Variants in APH1B observed in about 807,000 individuals in gnomAD.
The protein encoded by APH1B is aph-1B gamma-secretase subunit.
In APH1B, 27 loss-of-function variants were observed where a neutral mutation model predicts 28.2. That is an observed-to-expected ratio of 0.96 (90% CI 0.70 to 1.32). The LOEUF is 1.32. Ranked by LOEUF, APH1B falls within the 40% of genes most tolerant of loss-of-function variation. The probability of loss-of-function intolerance (pLI) is 0.00; values close to 1 mark genes in which losing one functional copy is unlikely to be tolerated. For synonymous variants in APH1B, 141 were observed against 124.6 expected (o/e 1.13, Z -0.88); for missense variants, 305 against 313.6 (o/e 0.97, Z 0.21).
In APH1B at chr15:63,306,768, T is replaced by G. The variant is rs1368280580; in HGVS notation, c.*987T>G. The G allele has an allele frequency of 6.6e-6, 1 of 152,224 alleles. No individual in the cohort carries two copies. Among genetic ancestry groups the G allele is most frequent in the Non-Finnish European group, 1.5e-5 (1 of 68,046 alleles). 9.4% of individuals were successfully genotyped at this position (152,224 alleles called of 1,614,324 possible). On this transcript the variant is annotated 3_prime_UTR_variant, in exon 6 of 6. Coordinates refer to ENST00000261879, the MANE Select transcript of APH1B (RefSeq NM_031301.4). ...AAGGAAATGAGCCAAAAGGGTGTCATTGACACTTTTCATTTGCTCCTGTGA... is the reference window on the plus strand; with the variant it reads ...AAGGAAATGAGCCAAAAGGGTGTCAGTGACACTTTTCATTTGCTCCTGTGA...
chr15:63,280,370 T>C (rs879278310), intron 2 of APH1B, among the ~76,000 whole-genome samples: 1 of 152,328 alleles, frequency 6.6e-6, no homozygotes, highest in African/African-American at 2.4e-5. Context: ...GATTATGTAG[T>C]AAGTCTTAAT....
intron 4 of APH1B, among the ~76,000 whole-genome samples, chr15:63,293,727 A>G (rs1186974712): frequency 1.3e-5 from 2 of 150,878 alleles, no homozygotes; most frequent in Admixed American, 6.6e-5. Context: ...CGAACTCCTG[A>G]CCTCGTCATC....
intron 5 of APH1B, among the ~76,000 whole-genome samples, chr15:63,305,177 A>G (rs562760974): frequency 5.0e-4 from 76 of 152,358 alleles, no homozygotes; most frequent in African/African-American, 1.8e-3. Context: ...TCTTTAAATG[A>G]ATACACTTTT....
intron 4 of APH1B, among the ~76,000 whole-genome samples, chr15:63,299,989 A>G (rs2038608302): frequency 6.6e-6 from 1 of 152,082 alleles, no homozygotes; most frequent in Admixed American, 6.6e-5. Flanking sequence ...TGAAGGTGCT[A>G]TCCATGAACA....
At chr15:63,278,401 T>TTAAG (rs746777389) in intron 1 of APH1B, 1 of 455,602 alleles carries the variant, frequency 2.2e-6, no homozygotes, top group African/African-American at 2.0e-5. Context: ...ACCTGCCTCT[T>TTAAG]ACTTGCACAT....
chr15:63,278,770 T>C (rs2038353097), intron 1 of APH1B, among the ~76,000 whole-genome samples: 1 of 152,362 alleles, frequency 6.6e-6, no homozygotes, highest in South Asian at 2.1e-4. Context: ...TTTAAGAATA[T>C]GAAAATTGCA....
At chr15:63,302,928 A>G (rs924918850) in intron 5 of APH1B, among the ~76,000 whole-genome samples, 2 of 152,174 alleles carry the variant, frequency 1.3e-5, no homozygotes, top group African/African-American at 4.8e-5. Flanking sequence ...CTTATCTTCA[A>G]TCTTCGTATC....
At position 63,304,240 on chromosome 15, in the gene APH1B, C is replaced by T. The variant is rs575339637; in HGVS notation, c.607-1374C>T. ...CACCAGGCTGTGGTGTTGAAGCCAG[C>T]GTCATGGTCACCCTCAGTGGGGGCA... On this transcript the variant is annotated intron_variant, in intron 5 of 5. Transcript: ENST00000261879. This position sits in a 1 kb window ranked among gnomAD's most constrained non-coding sequence, Gnocchi z 5.1. Among the ~76,000 whole-genome samples the T allele has an allele frequency of 2.6e-5, 4 of 152,272 alleles. No homozygotes were observed. Among genetic ancestry groups the T allele is most frequent in the African/African-American group, 4.8e-5 (2 of 41,548 alleles).
At position 63,294,651 on chromosome 15, in the gene APH1B, T is replaced by C. The variant is rs992942673; in HGVS notation, c.478+7105T>C. 2.0e-5 allele frequency among the ~76,000 whole-genome samples: 3 copies of C among 152,238 alleles called. No homozygotes were observed. In the East Asian group the frequency reaches 5.8e-4, roughly 29 times the overall value. On this transcript the variant is annotated intron_variant, in intron 4 of 5. Transcript: ENST00000261879. ...CTGGAAACAAACTTATTTGCATAAATGTTTGGAAATCTCTTGTTTCTTTGG... is the reference window on the plus strand; with the variant it reads ...CTGGAAACAAACTTATTTGCATAAACGTTTGGAAATCTCTTGTTTCTTTGG...
chr15:63,283,809 G>A (rs544433360), intron 2 of APH1B, among the ~76,000 whole-genome samples: 2 of 152,280 alleles, frequency 1.3e-5, no homozygotes, highest in South Asian at 4.1e-4. Flanking sequence ...TCTTCTGACA[G>A]TTTTATAGTT....
intron 1 of APH1B, 81 bp from the exon 2 acceptor site, chr15:63,279,080 G>GTTTT: frequency 6.4e-6 from 6 of 943,678 alleles, no homozygotes; most frequent in South Asian, 3.2e-5. Flanking sequence ...TCTCAAGCAG[G>GTTTT]TTTTTTTTTT....
At position 63,290,065 on chromosome 15, in the gene APH1B, T is replaced by A. The variant is rs114407508; in HGVS notation, c.478+2519T>A. On this transcript the variant is annotated intron_variant, in intron 4 of 5. Coordinates refer to ENST00000261879, the MANE Select transcript of APH1B (RefSeq NM_031301.4). ...AGTCTTATCCCCTAAATATCTCATT[T>A]TATATATATAGATGCACAAATATTT... is the stretch of plus-strand genomic sequence containing the variant. 2.6e-3 allele frequency among the ~76,000 whole-genome samples: 389 copies of A among 152,290 alleles called. 2 individuals carry two copies. The highest frequency in any genetic ancestry group is 9.1e-3 in the African/African-American group (379 of 41,556).
chr15:63,295,925 C>T (rs560042899), intron 4 of APH1B, among the ~76,000 whole-genome samples: 1 of 152,334 alleles, frequency 6.6e-6, no homozygotes, highest in East Asian at 1.9e-4. Context: ...CCAATGCTGA[C>T]TCCACAGTGA....
intron 5 of APH1B, among the ~76,000 whole-genome samples, chr15:63,303,035 A>C (rs1207460346): frequency 6.6e-6 from 1 of 152,198 alleles, no homozygotes; most frequent in African/African-American, 2.4e-5. Context: ...AGAACCTAGG[A>C]AGTTTGAAAA....
At chr15:63,296,475 G>T (rs1195411174) in intron 4 of APH1B, among the ~76,000 whole-genome samples, 6 of 152,184 alleles carry the variant, frequency 3.9e-5, no homozygotes, top group Admixed American at 3.9e-4. Flanking sequence ...TTCTGTGCTG[G>T]CAGGAAGCCA....
At chr15:63,280,344 T>G (rs1479428192) in intron 2 of APH1B, among the ~76,000 whole-genome samples, 1 of 152,226 alleles carries the variant, frequency 6.6e-6, no homozygotes, top group Non-Finnish European at 1.5e-5. Context: ...TTTCAGGCAG[T>G]CATGAAATTG....
intron 2 of APH1B, among the ~76,000 whole-genome samples, chr15:63,281,546 A>C (rs944855433): frequency 7.9e-5 from 12 of 151,852 alleles, no homozygotes; most frequent in East Asian, 3.9e-4. Flanking sequence ...AAAAAAAAAA[A>C]AAAAACAAAA....
rs758684792 is a variant in APH1B at position 63,308,367 on chromosome 15, T to C, written c.*2586T>C. 1.2e-4 allele frequency: 19 copies of C among 152,230 alleles called. No individual in the cohort carries two copies. The highest frequency in any genetic ancestry group is 1.6e-4 in the Non-Finnish European group (11 of 68,032). 9.4% of individuals were successfully genotyped at this position (152,230 alleles called of 1,614,324 possible). ...ATAACTGGAGAAATTTTGTTACCTC[T>C]ATCCTGGCTTGCCTGACTGGCTGTA... is the stretch of plus-strand genomic sequence containing the variant. On this transcript the variant is annotated 3_prime_UTR_variant, in exon 6 of 6. Transcript: ENST00000261879.
chr15:63,307,475 C>A lies in APH1B; in HGVS notation c.*1694C>A, dbSNP rs1372914520. 1 of 152,202 alleles carries A rather than the reference C, an allele frequency of 6.6e-6. No individual in the cohort carries two copies. The highest frequency in any genetic ancestry group is 2.4e-5 in the African/African-American group (1 of 41,440). The allele number at this position is 152,202 out of a possible 1,614,324, so 9.4% of individuals were successfully genotyped here. ...CCCCTAAAGTTTACTTCAGCACTAA[C>A]ACTAGTGCTTCCGCTGGAGTTTGCA... On this transcript the variant is annotated 3_prime_UTR_variant, in exon 6 of 6. Coordinates refer to ENST00000261879, the MANE Select transcript of APH1B (RefSeq NM_031301.4).
Sources: gnomAD v4.1 joint callset for allele counts (sites outside exome capture counted in the v4.1 genomes callset) on GRCh38, gnomAD v4.1.1 for gene constraint, Gnocchi (gnomAD v3.1) non-coding constraint, MANE v1.5 for transcripts, NCBI Gene and HGNC (gene_info 2026-07-23, HGNC 2026-07-21) for gene names.